Variants in PLCB1 observed in about 807,000 individuals in gnomAD.
The protein encoded by PLCB1 is 1-phosphatidylinositol 4,5-bisphosphate phosphodiesterase beta-1.
Under a neutral mutation model 161.8 loss-of-function variants are expected in PLCB1, and 46 were observed. The observed-to-expected ratio is 0.28, with a 90% CI of 0.22 to 0.36. The LOEUF is 0.36. Ranked by LOEUF, PLCB1 falls within the 10% of genes least tolerant of loss-of-function variation. PLCB1 has a pLI of 1.00. For synonymous variants in PLCB1, 517 were observed against 503.7 expected (o/e 1.03, Z -0.35); for missense variants, 1,016 against 1,472.5 (o/e 0.69, Z 5.07).
chr20:8,472,298 GTTCTT>G (rs1982089894), intron 3 of PLCB1, among the ~76,000 whole-genome samples: 2 of 152,050 alleles, frequency 1.3e-5, no homozygotes, highest in African/African-American at 4.8e-5. Context: ...TTATTGTTAT[GTTCTT>G]TTCATTTTAT....
At chr20:8,529,871 G>T (rs1479691379) in intron 3 of PLCB1, among the ~76,000 whole-genome samples, 5 of 152,034 alleles carry the variant, frequency 3.3e-5, no homozygotes, top group Non-Finnish European at 5.9e-5. Flanking sequence ...GTAACTCTTG[G>T]AGTATAACAA....
chr20:8,281,695 G>C (rs1982882663), intron 2 of PLCB1, among the ~76,000 whole-genome samples: 1 of 151,698 alleles, frequency 6.6e-6, no homozygotes, highest in Admixed American at 6.6e-5. Context: ...CTTTTTTTTG[G>C]TTTTAAAGTA....
chr20:8,832,025 T>C lies in PLCB1; in HGVS notation c.3423+41764T>C, dbSNP rs192801160. Among the ~76,000 whole-genome samples the C allele has an allele frequency of 6.7e-4, 102 of 151,298 alleles. 12 individuals carry two copies. The highest frequency in any genetic ancestry group is 6.5e-3 in the Admixed American group (98 of 15,058). On this transcript the variant is annotated intron_variant, in intron 31 of 31. Transcript: ENST00000338037. Reference sequence around the variant, plus strand: ...TTCTTTCTTTCTTTCGTATTGCTCCTTGTGTAGCAGGGCTATCCCATAGGC... The same window carrying C: ...TTCTTTCTTTCTTTCGTATTGCTCCCTGTGTAGCAGGGCTATCCCATAGGC...
chr20:8,287,092 C>T (rs2719791), intron 2 of PLCB1, among the ~76,000 whole-genome samples: 63,453 of 151,896 alleles, frequency 0.42, 15,413 homozygotes, highest in African/African-American at 0.68. Flanking sequence ...AAGGAATGTA[C>T]TTTCCTCAGA....
intron 31 of PLCB1, among the ~76,000 whole-genome samples, chr20:8,831,815 A>G (rs1600365762): frequency 6.6e-6 from 1 of 152,154 alleles, no homozygotes; most frequent in East Asian, 1.9e-4. Context: ...ATTTTGCTAA[A>G]TGAATTTTTG....
intron 2 of PLCB1, among the ~76,000 whole-genome samples, chr20:8,250,797 A>T (rs1268561629): frequency 6.6e-6 from 1 of 151,942 alleles, no homozygotes; most frequent in East Asian, 1.9e-4. Flanking sequence ...CGGTCTACAA[A>T]TATTTATTGA....
Position 8,727,341 on chromosome 20 carries a change from G to A in PLCB1, c.1711G>A (p.Val571Met), listed in dbSNP as rs1394924865. ...TAAAAGTTTTGAAATGTCTTCCTTCGTGGAAACCAAAGGACTTGAACAACT... is the reference window on the plus strand; with the variant it reads ...TAAAAGTTTTGAAATGTCTTCCTTCATGGAAACCAAAGGACTTGAACAACT... ...RNKSFEMSSF[V>M]ETKGLEQLTK... Residue 571 changes from valine (V) to methionine (M), a missense_variant, in exon 17 of 32, where the codon GTG becomes ATG. This residue lies in a region of PLCB1 where 67 missense variants were observed against 195.6 expected (regional missense o/e 0.34). Transcript: ENST00000338037. 7 of 1,605,780 alleles carry A rather than the reference G, an allele frequency of 4.4e-6. No homozygotes were observed. The highest frequency in any genetic ancestry group is 1.7e-5 in the Admixed American group (1 of 59,390).
chr20:8,574,662 C>G (rs1212688124), intron 3 of PLCB1, among the ~76,000 whole-genome samples: 2 of 150,070 alleles, frequency 1.3e-5, no homozygotes, highest in Non-Finnish European at 2.9e-5. Context: ...CTGTGGGCAA[C>G]CAGAGTCAAT....
chr20:8,817,496 T>A (rs571266227), intron 31 of PLCB1, among the ~76,000 whole-genome samples: 35 of 152,190 alleles, frequency 2.3e-4, no homozygotes, highest in Admixed American at 1.2e-3. Context: ...CCAAACTGAG[T>A]GCTCAGCAAC....
chr20:8,624,120 G>A (rs1988263488), intron 3 of PLCB1, among the ~76,000 whole-genome samples: 1 of 152,160 alleles, frequency 6.6e-6, no homozygotes, highest in African/African-American at 2.4e-5. Flanking sequence ...CTATGAAGCT[G>A]AATCACACGA....
At chr20:8,240,414 G>A (rs1470777620) in intron 2 of PLCB1, among the ~76,000 whole-genome samples, 2 of 151,652 alleles carry the variant, frequency 1.3e-5, no homozygotes, top group Non-Finnish European at 2.9e-5. Context: ...AGAGATTTTT[G>A]CATATCAGTA....
chr20:8,748,614 G>T (rs1981291979), intron 23 of PLCB1, among the ~76,000 whole-genome samples: 1 of 152,158 alleles, frequency 6.6e-6, no homozygotes, highest in Admixed American at 6.5e-5. Flanking sequence ...TAATGATGAA[G>T]TTTTTCACTT....
At chr20:8,845,603 G>T (rs1285561455) in intron 31 of PLCB1, among the ~76,000 whole-genome samples, 3 of 152,262 alleles carry the variant, frequency 2.0e-5, no homozygotes, top group Admixed American at 6.5e-5. Context: ...ATTGGGTCGG[G>T]CTGCCTTAAG....
At chr20:8,362,770 T>C (rs780844144) in intron 2 of PLCB1, among the ~76,000 whole-genome samples, 7 of 152,362 alleles carry the variant, frequency 4.6e-5, no homozygotes, top group Non-Finnish European at 8.8e-5. Flanking sequence ...GTTATATTTA[T>C]TTATCATGAT....
intron 2 of PLCB1, among the ~76,000 whole-genome samples, chr20:8,181,248 CAAA>C (rs60871672): frequency 2.5e-5 from 2 of 81,310 alleles, no homozygotes; most frequent in African/African-American, 3.8e-5. Context: ...GACTCTGTCT[CAAA>C]AAAAAAAAAA....
chr20:8,843,917 C>T (rs1264505575), intron 31 of PLCB1, among the ~76,000 whole-genome samples: 1 of 152,140 alleles, frequency 6.6e-6, no homozygotes, highest in African/African-American at 2.4e-5. Flanking sequence ...GGTGTGCATC[C>T]TTTGCCGAGG....
At chr20:8,438,402 A>G (rs547974499) in intron 3 of PLCB1, among the ~76,000 whole-genome samples, 2 of 152,362 alleles carry the variant, frequency 1.3e-5, no homozygotes, top group South Asian at 4.1e-4. Flanking sequence ...GAAGCAAAGT[A>G]AAACACTGGT....
intron 4 of PLCB1, among the ~76,000 whole-genome samples, chr20:8,641,063 C>T (rs889241953): frequency 6.6e-6 from 1 of 152,158 alleles, no homozygotes; most frequent in Non-Finnish European, 1.5e-5. Context: ...ACTTGAACAA[C>T]AGTTCTTCAG....
intron 3 of PLCB1, among the ~76,000 whole-genome samples, chr20:8,452,112 C>T (rs952075496): frequency 2.0e-5 from 3 of 152,188 alleles, no homozygotes; most frequent in Non-Finnish European, 4.4e-5. Context: ...ATTTATGAAA[C>T]AACTGTATCT....
Sources: gnomAD v4.1 joint callset for allele counts (sites outside exome capture counted in the v4.1 genomes callset) on GRCh38, gnomAD v4.1.1 for gene constraint, gnomAD v4.1.1 regional missense constraint, MANE v1.5 for transcripts, NCBI Gene and HGNC (gene_info 2026-07-23, HGNC 2026-07-21) for gene names.